The following PLEKHG1 variants were observed in gnomAD, a reference collection of about 807,000 sequenced individuals.
PLEKHG1 encodes the protein pleckstrin homology domain-containing family G member 1.
PLEKHG1 carries 44 observed loss-of-function variants against 100.8 expected under a neutral mutation model. The observed-to-expected ratio is 0.44, with a 90% CI of 0.34 to 0.56. The LOEUF is 0.56. PLEKHG1 is among the 20% of genes least tolerant of loss of function. The pLI is 0.01. For missense variants in PLEKHG1, 1,545 were observed against 1,720.9 expected (o/e 0.90, Z 1.81); for synonymous variants, 640 against 662.5 (o/e 0.97, Z 0.52).
chr6:150,739,841 T>A (rs926425492), intron 2 of PLEKHG1, among the ~76,000 whole-genome samples: 1 of 152,312 alleles, frequency 6.6e-6, no homozygotes, highest in Non-Finnish European at 1.5e-5. Context: ...TTCGTTAGTC[T>A]ATGTGGACTC....
At chr6:150,627,818 T>G (rs899161981) in intron 1 of PLEKHG1, among the ~76,000 whole-genome samples, 10 of 152,198 alleles carry the variant, frequency 6.6e-5, no homozygotes, top group Admixed American at 1.3e-4. Flanking sequence ...CCTCTTGCCT[T>G]GAGCACTAGT....
chr6:150,638,474 C>G (rs1399809592), intron 2 of PLEKHG1, among the ~76,000 whole-genome samples: 1 of 152,186 alleles, frequency 6.6e-6, no homozygotes, highest in Non-Finnish European at 1.5e-5. Context: ...ATTCATTGAC[C>G]CTTGCTTGAA....
At chr6:150,720,620 C>T (rs1781626450), upstream of PLEKHG1, among the ~76,000 whole-genome samples, 1 of 152,066 alleles carries the variant, frequency 6.6e-6, no homozygotes, top group South Asian at 2.1e-4. Flanking sequence ...CACCCCACCC[C>T]CACCCCAACC....
At chr6:150,786,099 T>C (rs1414342691) in intron 3 of PLEKHG1, among the ~76,000 whole-genome samples, 2 of 151,594 alleles carry the variant, frequency 1.3e-5, no homozygotes, top group African/African-American at 4.8e-5. Flanking sequence ...TGAATGAGCA[T>C]GGGTGAGCAT....
chr6:150,809,823 C>A, intron 10 of PLEKHG1, 89 bp downstream of exon 11: 1 of 904,696 alleles, frequency 1.1e-6, no homozygotes, highest in Admixed American at 2.2e-5. Context: ...GAGCCGAGAT[C>A]ACATCATTGA....
intron 11 of PLEKHG1, among the ~76,000 whole-genome samples, chr6:150,819,458 G>A (rs190219886): frequency 7.2e-5 from 11 of 151,940 alleles, no homozygotes; most frequent in African/African-American, 2.4e-5. Context: ...TCAGCTTCTC[G>A]GGAGGCTGAG....
At chr6:150,628,578 C>CACACACACACACA (rs1263436444) in intron 1 of PLEKHG1, among the ~76,000 whole-genome samples, 4 of 32,108 alleles carry the variant, frequency 1.2e-4, no homozygotes, top group Admixed American at 1.2e-3. Flanking sequence ...ACACACACAC[C>CACACACACACACA]CCGTCCTTGC....
chr6:150,830,589 G>A, exon 15 of PLEKHG1: 1 of 1,587,064 alleles, frequency 6.3e-7, no homozygotes, highest in Non-Finnish European at 8.6e-7. Context: ...CAGGTTTCTA[G>A]AGAGGAAGGA....
intron 3 of PLEKHG1, among the ~76,000 whole-genome samples, chr6:150,784,438 C>T (rs1252516883): frequency 1.3e-5 from 2 of 152,042 alleles, no homozygotes; most frequent in African/African-American, 4.8e-5. Flanking sequence ...TAGCCAAGTG[C>T]GAAGGGAGAA....
chr6:150,762,395 C>T (rs181125088), intron 2 of PLEKHG1, among the ~76,000 whole-genome samples: 168 of 151,296 alleles, frequency 1.1e-3, no homozygotes, highest in Non-Finnish European at 1.9e-3. Flanking sequence ...GACGGGGTTT[C>T]GCCATGTTGG....
At chr6:150,696,484 C>A (rs1382366090) in intron 3 of PLEKHG1, among the ~76,000 whole-genome samples, 2 of 152,138 alleles carry the variant, frequency 1.3e-5, no homozygotes, top group Non-Finnish European at 2.9e-5. Flanking sequence ...CACACACACA[C>A]GGCACGCACG....
intron 2 of PLEKHG1, among the ~76,000 whole-genome samples, chr6:150,649,084 T>A (rs1778609985): frequency 6.6e-6 from 1 of 152,164 alleles, no homozygotes; most frequent in Admixed American, 6.5e-5. Flanking sequence ...ATATCATATT[T>A]ATTTCAGACT....
chr6:150,705,910 C>T (rs1404719565), intron 3 of PLEKHG1, among the ~76,000 whole-genome samples: 6 of 152,164 alleles, frequency 3.9e-5, no homozygotes, highest in Non-Finnish European at 8.8e-5. Flanking sequence ...AAAAATGCTG[C>T]TGATGAACTA....
At chr6:150,768,238 TTC>T (rs1233077932) in intron 2 of PLEKHG1, among the ~76,000 whole-genome samples, 2 of 152,270 alleles carry the variant, frequency 1.3e-5, no homozygotes, top group Non-Finnish European at 2.9e-5. Context: ...TTAAAACAAA[TTC>T]TGTCAGTTCA....
exon 2 of PLEKHG1, chr6:150,734,070 A>T (rs755099112): frequency 7.4e-6 from 12 of 1,611,242 alleles, no homozygotes; most frequent in Non-Finnish European, 1.0e-5. Flanking sequence ...ACTTATGTAC[A>T]AGATTTAAAA....
chr6:150,621,261 G>A (rs1777287369), intron 1 of PLEKHG1, among the ~76,000 whole-genome samples: 1 of 152,104 alleles, frequency 6.6e-6, no homozygotes. Context: ...CTCTGGGGCT[G>A]TTGCTTTGCT....
At position 150,818,226 on chromosome 6, in the gene PLEKHG1, A is replaced by G; in HGVS notation, c.1312+10A>G. 6.3e-7 allele frequency: 1 copy of G among 1,581,962 alleles called. No individual in the cohort carries two copies. The highest frequency in any genetic ancestry group is 8.7e-7 in the Non-Finnish European group (1 of 1,151,464). ...GAAATGGATGCCATTCGTAAGTTTT[A>G]TTTCCTTAAAACAATTTGAAATTTC... On this transcript the variant is annotated intron_variant, in intron 11 of 15. Coordinates refer to ENST00000358517, the Ensembl canonical transcript of PLEKHG1.
chr6:150,839,696 C>T lies in PLEKHG1; in HGVS notation c.3095-137C>T, dbSNP rs924899773. ...TGTTGCTCAGAGTTCAAAGATTACT[C>T]ATCCTTAGACATCAGTTAGTCTTGT... is the stretch of plus-strand genomic sequence containing the variant. On this transcript the variant is annotated intron_variant, in intron 15 of 15. Coordinates refer to ENST00000358517, the Ensembl canonical transcript of PLEKHG1. 7.8e-5 allele frequency: 47 copies of T among 604,720 alleles called. 1 individual carries two copies. The East Asian group carries it at 1.3e-3, about 16-fold the overall frequency. 37.5% of individuals were successfully genotyped at this position (604,720 alleles called of 1,614,324 possible). A position where few individuals can be genotyped will look rare whatever the true frequency, so the allele number is the denominator to read the frequency against.
intron 1 of PLEKHG1, among the ~76,000 whole-genome samples, chr6:150,618,853 A>C (rs1173868328): frequency 1.3e-5 from 2 of 152,148 alleles, no homozygotes; most frequent in Admixed American, 6.5e-5. Context: ...CAAGATGGGG[A>C]GGATAGCTTG....
Sources: allele counts gnomAD v4.1 joint callset (sites outside exome capture counted in the v4.1 genomes callset), GRCh38; gene constraint gnomAD v4.1.1; transcripts MANE v1.5; gene names NCBI Gene and HGNC (gene_info 2026-07-23, HGNC 2026-07-21).